Variants in BNC2 observed in about 807,000 individuals in gnomAD.
The protein encoded by BNC2 is zinc finger protein basonuclin-2.
A neutral mutation model predicts 76.3 loss-of-function variants in BNC2; 20 were observed. The ratio of observed to expected loss-of-function variants is 0.26; its 90% CI spans 0.18 to 0.38. The LOEUF is 0.38. Ranked by LOEUF, BNC2 falls within the 10% of genes least tolerant of loss-of-function variation. The pLI, the probability that BNC2 is intolerant of heterozygous loss-of-function variation, is 1.00. For synonymous variants in BNC2, 582 were observed against 514.8 expected (o/e 1.13, Z -1.77); for missense variants, 1,382 against 1,399.8 (o/e 0.99, Z 0.20).
chr9:16,475,824 T>C (rs1200407384), intron 5 of BNC2, among the ~76,000 whole-genome samples: 5 of 152,196 alleles, frequency 3.3e-5, no homozygotes, highest in Non-Finnish European at 7.3e-5. Context: ...GCAGCACCGA[T>C]AGCCTTACAA....
intron 1 of BNC2, among the ~76,000 whole-genome samples, chr9:16,774,260 G>C (rs1825905154): frequency 6.6e-6 from 1 of 152,198 alleles, no homozygotes; most frequent in South Asian, 2.1e-4. Flanking sequence ...TGGGATTACA[G>C]TCGTGAGCCA....
intron 3 of BNC2, among the ~76,000 whole-genome samples, chr9:16,592,620 G>C (rs570789215): frequency 6.6e-6 from 1 of 152,202 alleles, no homozygotes; most frequent in South Asian, 2.1e-4. Flanking sequence ...CATAAATATA[G>C]TAAAATACAG....
At chr9:16,595,075 C>A (rs1820029438) in intron 3 of BNC2, among the ~76,000 whole-genome samples, 1 of 152,014 alleles carries the variant, frequency 6.6e-6, no homozygotes, top group South Asian at 2.1e-4. Flanking sequence ...GAAAGTGACC[C>A]AGCACAGTAT....
In BNC2 at chr9:16,653,720, T is replaced by C. The variant is rs1453626218; in HGVS notation, c.331-70635A>G. On this transcript the variant is annotated intron_variant, in intron 3 of 6. Transcript: ENST00000380672. The stretch of plus-strand genomic sequence containing the variant: ...GGGTGGGGAATAGTTGTCTGCACCA[T>C]ACCAAGGTCAGCCTGCTAGGTCTGA... 3.3e-5 allele frequency among the ~76,000 whole-genome samples: 5 copies of C among 152,124 alleles called. No individual in the cohort carries two copies. In the South Asian group the frequency reaches 6.2e-4, roughly 19 times the overall value.
At chr9:16,763,676 T>A (rs1486159289) in intron 1 of BNC2, among the ~76,000 whole-genome samples, 1 of 152,114 alleles carries the variant, frequency 6.6e-6, no homozygotes, top group East Asian at 1.9e-4. Context: ...GGAGAACCCA[T>A]CATTCAGGTC....
At chr9:16,548,471 T>A (rs1239796415) in intron 5 of BNC2, among the ~76,000 whole-genome samples, 1 of 151,234 alleles carries the variant, frequency 6.6e-6, no homozygotes, top group African/African-American at 2.4e-5. Flanking sequence ...AATGGTACAA[T>A]CTTGGCTCAC....
At chr9:16,469,353 T>C (rs1030913694) in intron 5 of BNC2, among the ~76,000 whole-genome samples, 5 of 152,196 alleles carry the variant, frequency 3.3e-5, no homozygotes, top group Non-Finnish European at 7.3e-5. Context: ...CATGCTGTTC[T>C]CGAGATAGTG....
At chr9:16,440,269 C>T (rs996270210) in intron 5 of BNC2, among the ~76,000 whole-genome samples, 2 of 152,126 alleles carry the variant, frequency 1.3e-5, no homozygotes, top group Non-Finnish European at 2.9e-5. Flanking sequence ...AGTGTGTCCA[C>T]AGTACTCAGT....
intron 3 of BNC2, among the ~76,000 whole-genome samples, chr9:16,640,844 C>T (rs1056563389): frequency 2.6e-5 from 4 of 152,132 alleles, no homozygotes; most frequent in African/African-American, 9.7e-5. Context: ...CTTGTGGTCA[C>T]AGGACATCCA....
At chr9:16,574,691 G>C (rs933682058) in intron 4 of BNC2, among the ~76,000 whole-genome samples, 1 of 148,462 alleles carries the variant, frequency 6.7e-6, no homozygotes, top group African/African-American at 2.6e-5. Flanking sequence ...GGAGACACTA[G>C]ATATTATCAT....
At chr9:16,664,820 T>C (rs1268181163) in intron 3 of BNC2, among the ~76,000 whole-genome samples, 1 of 151,966 alleles carries the variant, frequency 6.6e-6, no homozygotes, top group Non-Finnish European at 1.5e-5. Context: ...GAATAAACTC[T>C]CAGAATTCAT....
intron 3 of BNC2, among the ~76,000 whole-genome samples, chr9:16,628,166 T>G (rs895120796): frequency 1.3e-5 from 2 of 152,194 alleles, no homozygotes; most frequent in African/African-American, 4.8e-5. Context: ...ACCAGCTGTG[T>G]GACAGTCTTG....
chr9:16,659,038 G>T (rs887318205), intron 3 of BNC2, among the ~76,000 whole-genome samples: 5 of 152,140 alleles, frequency 3.3e-5, no homozygotes, highest in Admixed American at 6.5e-5. Context: ...TCATTTGAGA[G>T]CTAGGTCCTA....
intron 6 of BNC2, among the ~76,000 whole-genome samples, chr9:16,421,804 G>A (rs1351645363): frequency 6.6e-6 from 1 of 152,178 alleles, no homozygotes; most frequent in Non-Finnish European, 1.5e-5. Context: ...GTTACGCTAT[G>A]CGCTATTATT....
intron 5 of BNC2, among the ~76,000 whole-genome samples, chr9:16,449,676 G>A (rs892026809): frequency 1.3e-5 from 2 of 152,024 alleles, no homozygotes; most frequent in East Asian, 1.9e-4. Flanking sequence ...AAAAGGCTTT[G>A]GCACAGAGCT....
chr9:16,740,798 C>T (rs994207760), intron 1 of BNC2, among the ~76,000 whole-genome samples: 1 of 151,596 alleles, frequency 6.6e-6, no homozygotes, highest in Admixed American at 6.6e-5. Context: ...TGAAAGGGTC[C>T]GAGGAGAGAA....
At chr9:16,425,669 G>T (rs1171266043) in intron 6 of BNC2, among the ~76,000 whole-genome samples, 1 of 152,166 alleles carries the variant, frequency 6.6e-6, no homozygotes, top group Non-Finnish European at 1.5e-5. Flanking sequence ...CAGATGGTTT[G>T]TTTACTCCAC....
At chr9:16,810,941 C>T (rs1818032388) in intron 1 of BNC2, among the ~76,000 whole-genome samples, 1 of 152,112 alleles carries the variant, frequency 6.6e-6, no homozygotes, top group Non-Finnish European at 1.5e-5. Flanking sequence ...GTACAGGGGC[C>T]AGCGCAGTGG....
chr9:16,705,548 C>G (rs570313179), intron 3 of BNC2, among the ~76,000 whole-genome samples: 7 of 152,290 alleles, frequency 4.6e-5, no homozygotes, highest in Admixed American at 4.6e-4. Context: ...TCAACAGGCT[C>G]TTGGGCAGAC....
Sources: allele counts gnomAD v4.1 joint callset (sites outside exome capture counted in the v4.1 genomes callset), GRCh38; gene constraint gnomAD v4.1.1; transcripts MANE v1.5; gene names NCBI Gene and HGNC (gene_info 2026-07-23, HGNC 2026-07-21).